Variants in DOK6 observed in about 807,000 individuals in gnomAD.
DOK6 encodes downstream of tyrosine kinase 6.
DOK6 carries 22 observed loss-of-function variants against 44.0 expected under a neutral mutation model. That is an observed-to-expected ratio of 0.50 (90% CI 0.36 to 0.71). The LOEUF (loss-of-function observed/expected upper bound fraction) is 0.71, where lower values mean the gene tolerates loss of function less well. Among genes scored for constraint, DOK6 ranks in the 30% least tolerant of loss-of-function variants. The pLI, the probability that DOK6 is intolerant of heterozygous loss-of-function variation, is 0.00. For synonymous variants in DOK6, 166 were observed against 145.5 expected (o/e 1.14, Z -1.01); for missense variants, 340 against 416.4 (o/e 0.82, Z 1.60).
intron 5 of DOK6, among the ~76,000 whole-genome samples, chr18:69,712,782 G>T (rs1986797593): frequency 6.6e-6 from 1 of 152,178 alleles, no homozygotes; most frequent in Non-Finnish European, 1.5e-5. Context: ...GGGAGGCTGA[G>T]GTTGCAGTGA....
At chr18:69,602,247 T>C (rs943144150) in intron 3 of DOK6, among the ~76,000 whole-genome samples, 1 of 152,164 alleles carries the variant, frequency 6.6e-6, no homozygotes, top group Non-Finnish European at 1.5e-5. Context: ...AGATCAACAA[T>C]GATAAATCAT....
chr18:69,419,580 A>G (rs1445350626), intron 1 of DOK6, among the ~76,000 whole-genome samples: 1 of 152,164 alleles, frequency 6.6e-6, no homozygotes, highest in East Asian at 1.9e-4. Flanking sequence ...TTTGCTCTGC[A>G]GTTAGAATCT....
Position 69,797,517 on chromosome 18 carries a change from C to A in DOK6, c.856+39644C>A, listed in dbSNP as rs1213944275. On this transcript the variant is annotated intron_variant, in intron 7 of 7. Transcript: ENST00000382713. ...AAATAATAGCCCAGTTTTTAGTCTA[C>A]TAATTTTTAAAATAATATACAGAAT... Among the ~76,000 whole-genome samples the A allele has an allele frequency of 3.3e-5, 5 of 152,036 alleles. No homozygotes were observed. The East Asian group carries it at 9.6e-4, about 29-fold the overall frequency.
At chr18:69,654,363 C>T (rs1985308700) in intron 3 of DOK6, among the ~76,000 whole-genome samples, 1 of 152,126 alleles carries the variant, frequency 6.6e-6, no homozygotes, top group Non-Finnish European at 1.5e-5. Flanking sequence ...TGTACTTGAA[C>T]AGGGACACAC....
At chr18:69,774,155 T>TAA (rs1295581307) in intron 7 of DOK6, among the ~76,000 whole-genome samples, 3 of 118,400 alleles carry the variant, frequency 2.5e-5, no homozygotes, top group African/African-American at 8.6e-5. Flanking sequence ...TATATATATA[T>TAA]AATGTAATAC....
rs576363411 is a variant in DOK6, at chr18:69,609,532, G to A, written c.289+10034G>A. ...AAATAATAAAATGACAACAAGTGTC[G>A]GCAAAGATGTGGAGAAATTGGAACC... On this transcript the variant is annotated intron_variant, in intron 3 of 7. Transcript: ENST00000382713. 6.5e-5 allele frequency among the ~76,000 whole-genome samples: 8 copies of A among 123,792 alleles called. No homozygotes were observed. The South Asian group carries it at 7.6e-4, about 12-fold the overall frequency. The allele number at this position is 123,792 out of a possible 152,430, so 81.2% of individuals were successfully genotyped here. A position where few individuals can be genotyped will look rare whatever the true frequency, so the allele number is the denominator to read the frequency against.
chr18:69,556,317 C>CT (rs1262616625), intron 1 of DOK6, among the ~76,000 whole-genome samples: 1 of 152,092 alleles, frequency 6.6e-6, no homozygotes, highest in Non-Finnish European at 1.5e-5. Flanking sequence ...TTCTCTCTGG[C>CT]TGAAATGCTC....
chr18:69,801,354 C>T (rs1279327385), intron 7 of DOK6, among the ~76,000 whole-genome samples: 1 of 152,108 alleles, frequency 6.6e-6, no homozygotes, highest in Non-Finnish European at 1.5e-5. Context: ...CTTGCTTCTG[C>T]TATTAAGTGC....
chr18:69,843,370 C>G lies in DOK6; in HGVS notation c.*1987C>G, dbSNP rs1982277752. Reference sequence around the variant, plus strand: ...CATTTGCTTTTGAAATGCCTTTAGTCAAATACACCAGAGCAACTCCCAGCT... The same window carrying G: ...CATTTGCTTTTGAAATGCCTTTAGTGAAATACACCAGAGCAACTCCCAGCT... On this transcript the variant is annotated 3_prime_UTR_variant, in exon 8 of 8. Transcript: ENST00000382713. The G allele has an allele frequency of 6.6e-6, 1 of 152,196 alleles. No individual in the cohort carries two copies. The allele number at this position is 152,196 out of a possible 1,614,324, so 9.4% of individuals were successfully genotyped here. A position where few individuals can be genotyped will look rare whatever the true frequency, so the allele number is the denominator to read the frequency against.
intron 5 of DOK6, among the ~76,000 whole-genome samples, chr18:69,727,579 T>G (rs1378629432): frequency 6.6e-6 from 1 of 152,176 alleles, no homozygotes; most frequent in Non-Finnish European, 1.5e-5. Context: ...AAAAAATATT[T>G]TTCCCCAAAT....
Position 69,834,926 on chromosome 18 carries a change from C to T in DOK6, c.857-6318C>T, listed in dbSNP as rs78647515. On this transcript the variant is annotated intron_variant, in intron 7 of 7. Transcript: ENST00000382713. ...GGCCTCAGGAAAGTTACAATCATGG[C>T]GAAAGGGGAAGAGTCACATCTTCCT... Among the ~76,000 whole-genome samples the T allele has an allele frequency of 6.5e-3, 985 of 152,210 alleles. 6 individuals are homozygous for T. The highest frequency in any genetic ancestry group is 0.013 in the South Asian group (62 of 4,820).
At chr18:69,531,907 T>C (rs1320943168) in intron 1 of DOK6, among the ~76,000 whole-genome samples, 1 of 152,090 alleles carries the variant, frequency 6.6e-6, no homozygotes, top group African/African-American at 2.4e-5. Context: ...CCCAATGTGA[T>C]GATATTAGGA....
intron 3 of DOK6, chr18:69,647,429 CA>C (rs1985113160): frequency 6.6e-6 from 1 of 152,144 alleles, no homozygotes; most frequent in South Asian, 2.1e-4. Context: ...CCACAGCTTG[CA>C]AATTCTAAAC....
intron 1 of DOK6, among the ~76,000 whole-genome samples, chr18:69,423,505 AG>A (rs1430147705): frequency 6.6e-6 from 1 of 152,218 alleles, no homozygotes; most frequent in African/African-American, 2.4e-5. Flanking sequence ...AGACAGTATC[AG>A]GTATTGCTGA....
At chr18:69,594,053 C>T (rs556058478) in intron 2 of DOK6, among the ~76,000 whole-genome samples, 1 of 152,160 alleles carries the variant, frequency 6.6e-6, no homozygotes, top group South Asian at 2.1e-4. Flanking sequence ...TTAAAAATTA[C>T]AAAGTTAAGC....
chr18:69,551,623 G>A (rs1051487935), intron 1 of DOK6, among the ~76,000 whole-genome samples: 1 of 151,982 alleles, frequency 6.6e-6, no homozygotes, highest in Non-Finnish European at 1.5e-5. Flanking sequence ...CAATAAAAAA[G>A]GTAAAACACA....
At chr18:69,762,030 A>G (rs977756932) in intron 7 of DOK6, among the ~76,000 whole-genome samples, 1 of 152,106 alleles carries the variant, frequency 6.6e-6, no homozygotes, top group Non-Finnish European at 1.5e-5. Flanking sequence ...GAAAGGAAGA[A>G]AAGAAAAGAA....
Position 69,548,036 on chromosome 18 carries a change from C to T in DOK6, c.67-16451C>T, listed in dbSNP as rs187221500. Among the ~76,000 whole-genome samples, 490 of 150,502 alleles carry T rather than the reference C, an allele frequency of 3.3e-3. 24 individuals are homozygous for T. Among genetic ancestry groups the T allele is most frequent in the Admixed American group, 0.025 (378 of 15,072 alleles). On this transcript the variant is annotated intron_variant, in intron 1 of 7. Transcript: ENST00000382713. Reference sequence around the variant, plus strand: ...TGGCGCAATCTCAGCTCACTGCAAACTCCACCTCCCAGGTTCACTCCATTC... The same window carrying T: ...TGGCGCAATCTCAGCTCACTGCAAATTCCACCTCCCAGGTTCACTCCATTC...
chr18:69,635,295 T>C (rs1171347274), intron 3 of DOK6, among the ~76,000 whole-genome samples: 1 of 152,164 alleles, frequency 6.6e-6, no homozygotes, highest in Non-Finnish European at 1.5e-5. Context: ...TCTCCTCATA[T>C]GGATTGGCTT....
Sources: gnomAD v4.1 joint callset for allele counts (sites outside exome capture counted in the v4.1 genomes callset) on GRCh38, gnomAD v4.1.1 for gene constraint, MANE v1.5 for transcripts, NCBI Gene and HGNC (gene_info 2026-07-23, HGNC 2026-07-21) for gene names.